TMEM178B: variants seen among roughly 807,000 people sequenced by gnomAD.
The protein encoded by TMEM178B is transmembrane protein 178B.
In TMEM178B, 5 loss-of-function variants were observed where a neutral mutation model predicts 31.0. That is an observed-to-expected ratio of 0.16 (90% confidence interval 0.08 to 0.34). The LOEUF is 0.34. TMEM178B is among the 10% of genes least tolerant of loss of function. The pLI, the probability that TMEM178B is intolerant of heterozygous loss-of-function variation, is 1.00. For missense variants in TMEM178B, 275 were observed against 400.3 expected (o/e 0.69, Z 2.67); for synonymous variants, 164 against 164.0 (o/e 1.00, Z 0.00).
intron 3 of TMEM178B, among the ~76,000 whole-genome samples, chr7:141,444,278 A>G (rs1801713140): frequency 6.6e-6 from 1 of 152,168 alleles, no homozygotes; most frequent in South Asian, 2.1e-4. Flanking sequence ...TCATGAAGGG[A>G]TACCTTCCCT....
chr7:141,255,174 C>T (rs969828755), intron 2 of TMEM178B, among the ~76,000 whole-genome samples: 2 of 152,162 alleles, frequency 1.3e-5, no homozygotes, highest in Non-Finnish European at 2.9e-5. Flanking sequence ...TTTTTCCCTT[C>T]TCTTGTCAAG....
chr7:141,156,436 G>A (rs1448544693), intron 1 of TMEM178B, among the ~76,000 whole-genome samples: 2 of 152,128 alleles, frequency 1.3e-5, no homozygotes, highest in Admixed American at 1.3e-4. Context: ...GGAAAAAAGC[G>A]GTTATTTTTG....
chr7:141,075,556 A>G (rs1346256766), intron 1 of TMEM178B, among the ~76,000 whole-genome samples: 2 of 152,324 alleles, frequency 1.3e-5, no homozygotes, highest in East Asian at 3.9e-4. Context: ...ACCTTGTATG[A>G]TTTATACTTT....
chr7:141,249,458 G>C (rs938113720), intron 2 of TMEM178B, among the ~76,000 whole-genome samples: 1 of 152,314 alleles, frequency 6.6e-6, no homozygotes, highest in East Asian at 1.9e-4. Context: ...ACAGTAAATT[G>C]GTACTGGTAG....
At chr7:141,251,150 C>G (rs1183107583) in intron 2 of TMEM178B, among the ~76,000 whole-genome samples, 2 of 151,948 alleles carry the variant, frequency 1.3e-5, no homozygotes, top group East Asian at 1.9e-4. Flanking sequence ...ACTCCTTCAT[C>G]TCAAGAGGCT....
chr7:141,299,948 C>T (rs1019629711), intron 2 of TMEM178B, among the ~76,000 whole-genome samples: 9 of 151,930 alleles, frequency 5.9e-5, no homozygotes, highest in African/African-American at 2.2e-4. Context: ...TCATGTCTGG[C>T]TAATTTTTAA....
At chr7:141,135,868 A>G (rs1795667529) in intron 1 of TMEM178B, among the ~76,000 whole-genome samples, 1 of 152,232 alleles carries the variant, frequency 6.6e-6, no homozygotes, top group Non-Finnish European at 1.5e-5. Context: ...AAGGAAATAA[A>G]TACCTAAGTG....
intron 1 of TMEM178B, among the ~76,000 whole-genome samples, chr7:141,199,895 C>CA (rs1563115370): frequency 1.3e-5 from 2 of 152,106 alleles, no homozygotes; most frequent in Non-Finnish European, 2.9e-5. Flanking sequence ...ACTAAAAATA[C>CA]AAAAAATTAG....
rs12537869 is a variant in TMEM178B at position 141,171,930 on chromosome 7, C to T, written c.383-40661C>T. Reference sequence around the variant, plus strand: ...GTTGGAGCCTCTACACATTAATTCTCAACAGGTAATTGTTGAGTACCTATT... The same window carrying T: ...GTTGGAGCCTCTACACATTAATTCTTAACAGGTAATTGTTGAGTACCTATT... On this transcript the variant is annotated intron_variant, in intron 1 of 3. Transcript: ENST00000565468. The surrounding 1 kb of genome is among the most constrained non-coding windows in gnomAD (Gnocchi z 4.3). Among the ~76,000 whole-genome samples, 187 of 152,302 alleles carry T rather than the reference C, an allele frequency of 1.2e-3. 3 individuals carry two copies. Among genetic ancestry groups the T allele is most frequent in the Admixed American group, 0.01 (154 of 15,288 alleles).
intron 2 of TMEM178B, among the ~76,000 whole-genome samples, chr7:141,338,985 A>G (rs1450030927): frequency 6.6e-6 from 1 of 152,182 alleles, no homozygotes; most frequent in Non-Finnish European, 1.5e-5. Flanking sequence ...TTTCAGAAAT[A>G]TGTGGGGACT....
At chr7:141,345,135 C>G (rs1799596699) in intron 2 of TMEM178B, among the ~76,000 whole-genome samples, 1 of 152,168 alleles carries the variant, frequency 6.6e-6, no homozygotes, top group Non-Finnish European at 1.5e-5. Flanking sequence ...TGCTACTTTG[C>G]TTGGGATACC....
At chr7:141,248,561 G>A (rs758903437) in intron 2 of TMEM178B, among the ~76,000 whole-genome samples, 3 of 152,168 alleles carry the variant, frequency 2.0e-5, no homozygotes, top group Non-Finnish European at 4.4e-5. Context: ...ACATGATATA[G>A]CCCATTGCTC....
downstream of TMEM178B, among the ~76,000 whole-genome samples, chr7:141,481,968 G>A (rs2116747569): frequency 6.6e-6 from 1 of 152,248 alleles, no homozygotes; most frequent in Middle Eastern, 3.4e-3. Flanking sequence ...CCTGAGGGGT[G>A]GATGCAGTTG....
At chr7:141,343,525 CTTTTTTTTTTT>C (rs11442055) in intron 2 of TMEM178B, among the ~76,000 whole-genome samples, 10 of 87,002 alleles carry the variant, frequency 1.1e-4, no homozygotes, top group South Asian at 5.4e-4. Context: ...ATGGGAGCAC[CTTTTTTTTTTT>C]TTTTTTTTTT....
chr7:141,469,202 G>T (rs1802196626), intron 3 of TMEM178B, among the ~76,000 whole-genome samples: 1 of 152,316 alleles, frequency 6.6e-6, no homozygotes, highest in Admixed American at 6.5e-5. Flanking sequence ...TTTGGGGGTT[G>T]CTTTTTATTA....
chr7:141,500,212 T>C, the TMEM178B span, among the ~76,000 whole-genome samples: 1 of 152,158 alleles, frequency 6.6e-6, no homozygotes, highest in Non-Finnish European at 1.5e-5. Context: ...TCCCTGGAAA[T>C]TCAGGGATAC....
At position 141,150,462 on chromosome 7, in the gene TMEM178B, C is replaced by T. The variant is rs973258637; in HGVS notation, c.383-62129C>T. On this transcript the variant is annotated intron_variant, in intron 1 of 3. Transcript: ENST00000565468. ...AGTGGGTAGAGTCTGTTCTTTCCTCCGAAGTCCTCCCCAACAAAGAAACAG... is the reference window on the plus strand; with the variant it reads ...AGTGGGTAGAGTCTGTTCTTTCCTCTGAAGTCCTCCCCAACAAAGAAACAG... Among the ~76,000 whole-genome samples, 4 of 152,146 alleles carry T rather than the reference C, an allele frequency of 2.6e-5. No individual in the cohort carries two copies. The East Asian group carries it at 5.8e-4, about 22-fold the overall frequency.
chr7:141,245,073 G>T (rs71545304), intron 2 of TMEM178B, among the ~76,000 whole-genome samples: 1 of 144,864 alleles, frequency 6.9e-6, no homozygotes, highest in African/African-American at 2.5e-5. Context: ...GGAGGCAAGA[G>T]AATTGCTTGA....
downstream of TMEM178B, among the ~76,000 whole-genome samples, chr7:141,484,233 T>C (rs17162291): frequency 0.1 from 15,158 of 152,252 alleles, 2,218 homozygotes; most frequent in African/African-American, 0.32. This position sits in a 1 kb window ranked among gnomAD's most constrained non-coding sequence, Gnocchi z 4.8. Flanking sequence ...TAAAATCATG[T>C]TTTGAAATAT....
Sources: allele counts gnomAD v4.1 joint callset (sites outside exome capture counted in the v4.1 genomes callset), GRCh38; gene constraint gnomAD v4.1.1; non-coding constraint Gnocchi (gnomAD v3.1); transcripts MANE v1.5; gene names NCBI Gene and HGNC (gene_info 2026-07-23, HGNC 2026-07-21).